The following ELSPBP1 variants were observed in gnomAD, a reference collection of about 807,000 sequenced individuals.
ELSPBP1 encodes epididymal sperm binding protein 1.
In ELSPBP1, 38 loss-of-function variants were observed where a neutral mutation model predicts 33.3. That is an observed-to-expected ratio of 1.14 (90% CI 0.88 to 1.50). The LOEUF is 1.50. Among genes scored for constraint, ELSPBP1 ranks in the 40% most tolerant of loss-of-function variants. The pLI, the probability that ELSPBP1 is intolerant of heterozygous loss-of-function variation, is 0.00. For missense variants in ELSPBP1, 267 were observed against 263.5 expected, an observed-to-expected ratio of 1.01 and a Z score of -0.09; for synonymous variants, 85 against 94.1, an observed-to-expected ratio of 0.90 and a Z score of 0.56.
In ELSPBP1 at chr19:48,022,417, C is replaced by G. The variant is rs191236415; in HGVS notation, c.*7+83C>G. On this transcript the variant is annotated intron_variant, in intron 6 of 6. Coordinates refer to ENST00000339841, the MANE Select transcript of ELSPBP1 (RefSeq NM_022142.5). ...AACTGGTGTGTCACTGATGCGAAGG[C>G]GAGATCTGCTTTTTCAAGCGTGTCT... The G allele has an allele frequency of 5.6e-6, 7 of 1,252,654 alleles. No homozygotes were observed. The Admixed American group carries it at 1.5e-4, about 27-fold the overall frequency. The allele number at this position is 1,252,654 out of a possible 1,614,324, so 77.6% of individuals were successfully genotyped here. A position where few individuals can be genotyped will look rare whatever the true frequency, so the allele number is the denominator to read the frequency against.
At chr19:48,006,750 T>A (rs1967024545) in intron 1 of ELSPBP1, among the ~76,000 whole-genome samples, 1 of 152,068 alleles carries the variant, frequency 6.6e-6, no homozygotes, top group East Asian at 1.9e-4. Flanking sequence ...TTGTCAGGTC[T>A]AAGTCCTGAC....
rs757186437 is a variant in ELSPBP1 at position 48,014,163 on chromosome 19, C to T, written c.71-8C>T. On this transcript the variant is annotated splice_polypyrimidine_tract_variant and splice_region_variant and intron_variant, in intron 2 of 6. Coordinates refer to ENST00000339841, the MANE Select transcript of ELSPBP1 (RefSeq NM_022142.5). The stretch of plus-strand genomic sequence containing the variant: ...TCCCCACTCCTGTTTTCTCCTTCTG[C>T]CCTTCAGGGATGCATGAGGAATGTG... 6.2e-7 allele frequency: 1 copy of T among 1,612,020 alleles called. No individual in the cohort carries two copies. The highest frequency in any genetic ancestry group is 2.2e-5 in the East Asian group (1 of 44,748).
chr19:48,019,560 C>A (rs1312630667), intron 4 of ELSPBP1, among the ~76,000 whole-genome samples, 159 bp from the exon 5 acceptor site: 2 of 152,122 alleles, frequency 1.3e-5, no homozygotes, highest in Admixed American at 1.3e-4. Flanking sequence ...TCTCACTTAT[C>A]CGTAACATTG....
At chr19:48,008,544 A>G (rs1223360215) in intron 1 of ELSPBP1, 107 bp from the exon 2 acceptor site, 3 of 731,642 alleles carry the variant, frequency 4.1e-6, no homozygotes, top group Admixed American at 2.5e-5. Flanking sequence ...TATTTTTTAA[A>G]TTACTGTGGA....
At chr19:48,017,165 T>A (rs1214954455) in intron 4 of ELSPBP1, among the ~76,000 whole-genome samples, 1 of 152,230 alleles carries the variant, frequency 6.6e-6, no homozygotes, top group East Asian at 1.9e-4. Context: ...CTAGTCCATA[T>A]AGTTCCAAAG....
Position 48,016,582 on chromosome 19 carries a change from CTCTT to C in ELSPBP1, c.355+553_355+556del, listed in dbSNP as rs1308921309. Among the ~76,000 whole-genome samples the C allele has an allele frequency of 3.6e-5, 5 of 139,912 alleles. No individual in the cohort carries two copies. The East Asian group carries it at 8.4e-4, about 24-fold the overall frequency. 91.8% of individuals were successfully genotyped at this position (139,912 alleles called of 152,430 possible). A position where few individuals can be genotyped will look rare whatever the true frequency, so the allele number is the denominator to read the frequency against. On this transcript the variant is annotated intron_variant, in intron 4 of 6. Transcript: ENST00000339841. The stretch of plus-strand genomic sequence containing the variant: ...TTCCTTCCTTCCTCCCTTCATCTCT[CTCTT>C]TCTTTCTTTTTCTCTTTCTTTCTTC...
chr19:48,007,737 T>C (rs1278181537), intron 1 of ELSPBP1, among the ~76,000 whole-genome samples: 1 of 152,060 alleles, frequency 6.6e-6, no homozygotes, highest in Non-Finnish European at 1.5e-5. Flanking sequence ...ATTGTTAAGG[T>C]TCCAACAATG....
At chr19:48,001,346 A>ATTTT (rs67597303) in intron 1 of ELSPBP1, among the ~76,000 whole-genome samples, 3 of 144,690 alleles carry the variant, frequency 2.1e-5, no homozygotes, top group Non-Finnish European at 1.5e-5. Context: ...CACCCAGCTA[A>ATTTT]TTTTTTTTTT....
intron 1 of ELSPBP1, among the ~76,000 whole-genome samples, chr19:48,000,744 G>T (rs1240923566): frequency 6.6e-6 from 1 of 152,208 alleles, no homozygotes. Flanking sequence ...CAGCTGGCTT[G>T]AGAGGGAGCC....
Position 47,998,646 on chromosome 19 carries a change from G to T in ELSPBP1, c.-18+3835G>T, listed in dbSNP as rs138729444. ...CTAAAAATACAAAAAAATCAGCCGAGCGTGGTGGTGGGCGCCTGTAGTCCC... is the reference window on the plus strand; with the variant it reads ...CTAAAAATACAAAAAAATCAGCCGATCGTGGTGGTGGGCGCCTGTAGTCCC... On this transcript the variant is annotated intron_variant, in intron 1 of 6. Coordinates refer to ENST00000339841, the MANE Select transcript of ELSPBP1 (RefSeq NM_022142.5). Among the ~76,000 whole-genome samples, 1,424 of 152,170 alleles carry T rather than the reference G, an allele frequency of 9.4e-3. 46 individuals are homozygous for T. Among genetic ancestry groups the T allele is most frequent in the Admixed American group, 0.067 (1,027 of 15,284 alleles).
chr19:48,012,107 T>C (rs1269077791), intron 2 of ELSPBP1, among the ~76,000 whole-genome samples: 6 of 152,036 alleles, frequency 3.9e-5, no homozygotes, highest in Non-Finnish European at 8.8e-5. Flanking sequence ...CAGAACACCG[T>C]TTTTGTTTTT....
rs1568405717 is a variant in ELSPBP1 at position 48,011,106 on chromosome 19, CAATG to C, written c.70+2371_70+2374del. Among the ~76,000 whole-genome samples the C allele has an allele frequency of 6.6e-6, 1 of 151,262 alleles. No individual in the cohort carries two copies. The highest frequency in any genetic ancestry group is 1.9e-4 in the East Asian group (1 of 5,150). On this transcript the variant is annotated intron_variant, in intron 2 of 6. Coordinates refer to ENST00000339841, the MANE Select transcript of ELSPBP1 (RefSeq NM_022142.5). The surrounding 1 kb of genome is among the most constrained non-coding windows in gnomAD (Gnocchi z 4.5). ...ATGACAACAATAATAGCGACAATGA[CAATG>C]ATGATGGTGACAGTGATGATGATGA...
chr19:48,001,375 GTTTC>G (rs1966966009), intron 1 of ELSPBP1, among the ~76,000 whole-genome samples: 2 of 150,750 alleles, frequency 1.3e-5, no homozygotes, highest in Non-Finnish European at 3.0e-5. Flanking sequence ...TAGAGACGTG[GTTTC>G]ACCATGTTGG....
In ELSPBP1 at chr19:47,998,966, G is replaced by A. The variant is rs143271912; in HGVS notation, c.-18+4155G>A. On this transcript the variant is annotated intron_variant, in intron 1 of 6. Coordinates refer to ENST00000339841, the MANE Select transcript of ELSPBP1 (RefSeq NM_022142.5). ...GCCCACCCTAAGGGGAAAAATGAAG[G>A]GTCCAGCCATGTGGCCCTCCCTTCT... Among the ~76,000 whole-genome samples the A allele has an allele frequency of 4.7e-3, 711 of 152,196 alleles. 6 individuals carry two copies. The highest frequency in any genetic ancestry group is 0.016 in the African/African-American group (680 of 41,520).
chr19:48,000,676 G>A (rs957236633), intron 1 of ELSPBP1, among the ~76,000 whole-genome samples: 1 of 152,160 alleles, frequency 6.6e-6, no homozygotes, highest in African/African-American at 2.4e-5. Context: ...AACCACTTAC[G>A]TATTTCTCCA....
At position 48,014,309 on chromosome 19, in the gene ELSPBP1, G is replaced by A. The variant is rs200336076; in HGVS notation, c.208+1G>A. Reference sequence around the variant, plus strand: ...CAGTGGAAGTACTGCCAGAGTGAAGGTGAGTGGTATCACATTGTCCCTGCC... The same window carrying A: ...CAGTGGAAGTACTGCCAGAGTGAAGATGAGTGGTATCACATTGTCCCTGCC... On this transcript the variant is annotated splice_donor_variant, in intron 3 of 6. Coordinates refer to ENST00000339841, the MANE Select transcript of ELSPBP1 (RefSeq NM_022142.5). LOFTEE classifies it high-confidence loss of function. 8 of 1,613,424 alleles carry A rather than the reference G, an allele frequency of 5.0e-6. No individual in the cohort carries two copies. The African/African-American group carries it at 8.0e-5, about 16-fold the overall frequency.
At chr19:48,021,393 G>A (rs1967198058) in intron 5 of ELSPBP1, among the ~76,000 whole-genome samples, 1 of 139,882 alleles carries the variant, frequency 7.1e-6, no homozygotes, top group South Asian at 2.4e-4. Flanking sequence ...GGTTTACCCA[G>A]ATTTTATTTT....
chr19:48,010,311 C>T (rs942488552), intron 2 of ELSPBP1, among the ~76,000 whole-genome samples: 8 of 152,148 alleles, frequency 5.3e-5, no homozygotes, highest in Admixed American at 3.9e-4. Flanking sequence ...GTTATAATCT[C>T]ATTTTTGTCA....
At chr19:48,022,355 TG>T in intron 6 of ELSPBP1, 21 bp downstream of exon 6, 1 of 1,581,652 alleles carries the variant, frequency 6.3e-7, no homozygotes. Flanking sequence ...GGACCAACAG[TG>T]GTCATTTCAC....
Sources: gnomAD v4.1 joint callset for allele counts (sites outside exome capture counted in the v4.1 genomes callset) on GRCh38, gnomAD v4.1.1 for gene constraint, Gnocchi (gnomAD v3.1) non-coding constraint, MANE v1.5 for transcripts, NCBI Gene and HGNC (gene_info 2026-07-23, HGNC 2026-07-21) for gene names.